CTSD: variants seen among roughly 807,000 people sequenced by gnomAD.
The protein encoded by CTSD is cathepsin D, also known as ceroid-lipofuscinosis, neuronal 10.
In CTSD, 28 loss-of-function variants were observed where a neutral mutation model predicts 43.6. That is an observed-to-expected ratio of 0.64 (90% CI 0.48 to 0.88). The LOEUF is 0.88. Among genes scored for constraint, CTSD ranks in the 40% least tolerant of loss-of-function variants. The pLI, the probability that CTSD is intolerant of heterozygous loss-of-function variation, is 0.00. For missense variants in CTSD, 485 were observed against 555.2 expected, an observed-to-expected ratio of 0.87 and a Z score of 1.27; for synonymous variants, 270 against 249.8, an observed-to-expected ratio of 1.08 and a Z score of -0.76.
At chr11:1,763,167 G>T (rs1845903845) in intron 1 of CTSD, 1 of 152,482 alleles carries the variant, frequency 6.6e-6, no homozygotes, top group Non-Finnish European at 1.5e-5. Context: ...CTGGCACAGG[G>T]GATCGGCCTG....
chr11:1,756,088 C>T (rs1170575710), intron 5 of CTSD, among the ~76,000 whole-genome samples: 1 of 151,868 alleles, frequency 6.6e-6, no homozygotes, highest in East Asian at 1.9e-4. Context: ...TGTATGCCTC[C>T]CCCGACCTGG....
At chr11:1,755,576 G>C (rs1020944154) in intron 5 of CTSD, among the ~76,000 whole-genome samples, 1 of 152,150 alleles carries the variant, frequency 6.6e-6, no homozygotes, top group Non-Finnish European at 1.5e-5. Context: ...TCCTGGGCAG[G>C]AGCGCACTGC....
intron 1 of CTSD, chr11:1,762,870 C>T (rs945381473): frequency 1.3e-5 from 2 of 152,390 alleles, no homozygotes; most frequent in Admixed American, 1.3e-4. Flanking sequence ...GAGGCTCAGT[C>T]CTACCCAGCT....
In CTSD at chr11:1,754,612, GGGGATGGAGGGCATGGA is replaced by G. The variant is rs368763995; in HGVS notation, c.827+277_827+293del. ...AGTCACAGAGGGATGAGGGGATGGAGGGGATGGAGGGCATGGAGGGATGGACAGAAGGGATGGTGGGT... is the reference window on the plus strand; with the variant it reads ...AGTCACAGAGGGATGAGGGGATGGAGGGGATGGACAGAAGGGATGGTGGGT... On this transcript the variant is annotated intron_variant, in intron 6 of 8. Coordinates refer to ENST00000236671, the MANE Select transcript of CTSD (RefSeq NM_001909.5). Among the ~76,000 whole-genome samples, 68 of 135,208 alleles carry G rather than the reference GGGGATGGAGGGCATGGA, an allele frequency of 5.0e-4. 1 individual carries two copies. In the East Asian group the frequency reaches 0.015, roughly 31 times the overall value. The allele number at this position is 135,208 out of a possible 152,430, so 88.7% of individuals were successfully genotyped here.
chr11:1,762,029 T>C (rs1478631656), intron 1 of CTSD: 2 of 191,320 alleles, frequency 1.0e-5, no homozygotes, highest in Non-Finnish European at 1.1e-5. Context: ...AGATGGGCCC[T>C]CCACACCACC....
intron 5 of CTSD, 41 bp from the exon 6 acceptor site, chr11:1,755,069 C>A: frequency 1.2e-6 from 2 of 1,612,678 alleles, no homozygotes; most frequent in Admixed American, 3.3e-5. Flanking sequence ...CGCCACCCCC[C>A]AAGCACAAGA....
chr11:1,753,865 C>A lies in CTSD; in HGVS notation c.1009G>T (p.Ala337Ser), dbSNP rs147800688. Residue 337 changes from alanine (A) to serine (S), a missense_variant, in exon 8 of 9, where the codon GCG (alanine) becomes TCG (serine). Coordinates refer to ENST00000236671, the MANE Select transcript of CTSD (RefSeq NM_001909.5). ...TTGCCTCCCAGCTTCAGTGTGATCG[C>A]GGGCAGGGTGGACACCTTCTCACAG... Reference protein sequence around the residue: ...IPCEKVSTLPAITLKLGGKGY... With the variant: ...IPCEKVSTLPSITLKLGGKGY... 1 of 1,613,600 alleles carries A rather than the reference C, an allele frequency of 6.2e-7. No individual in the cohort carries two copies.
At chr11:1,761,171 G>A (rs1471395963) in intron 2 of CTSD, 138 bp downstream of exon 2, 3 of 884,678 alleles carry the variant, frequency 3.4e-6, no homozygotes, top group Non-Finnish European at 5.6e-6. Context: ...GAGTGTGGCT[G>A]AGCCGGGACG....
rs1354741089 is a variant in CTSD at position 1,753,915 on chromosome 11, C to G, written c.973-14G>C. ...GGGGATCATGTACTAAGAGGGGTCA[C>G]AGCAGTGTCAGGGTGGTAGTGGTGG... On this transcript the variant is annotated splice_polypyrimidine_tract_variant and intron_variant, in intron 7 of 8. Coordinates refer to ENST00000236671, the MANE Select transcript of CTSD (RefSeq NM_001909.5). 1 of 1,612,922 alleles carries G rather than the reference C, an allele frequency of 6.2e-7. No individual in the cohort carries two copies. Among genetic ancestry groups the G allele is most frequent in the Non-Finnish European group, 8.5e-7 (1 of 1,179,376 alleles).
chr11:1,756,725 C>A (rs568245113), intron 5 of CTSD, among the ~76,000 whole-genome samples: 6 of 152,312 alleles, frequency 3.9e-5, no homozygotes, highest in African/African-American at 1.4e-4. Flanking sequence ...CATGGGTCAC[C>A]CAAGCTGGAG....
chr11:1,761,016 C>T (rs1337721422), intron 2 of CTSD: 3 of 463,404 alleles, frequency 6.5e-6, no homozygotes, highest in African/African-American at 2.0e-5. Flanking sequence ...GCCGGCCACA[C>T]TCAGGCAGGC....
At chr11:1,762,318 C>T (rs1845889463) in intron 1 of CTSD, 1 of 152,322 alleles carries the variant, frequency 6.6e-6, no homozygotes, top group Admixed American at 6.5e-5. Flanking sequence ...AGATCGGGGT[C>T]CTGAGTTCTA....
chr11:1,757,593 G>C, intron 4 of CTSD, 37 bp from the exon 5 acceptor site: 1 of 1,531,720 alleles, frequency 6.5e-7, no homozygotes. Flanking sequence ...CAGCAGACAG[G>C]CTGAGCCCTA....
At chr11:1,757,714 C>T (rs1845827069) in intron 4 of CTSD, among the ~76,000 whole-genome samples, 158 bp from the exon 5 acceptor site, 1 of 152,250 alleles carries the variant, frequency 6.6e-6, no homozygotes, top group Admixed American at 6.5e-5. Context: ...GAGCTGAACA[C>T]CGCTGGGGAT....
chr11:1,757,115 CG>C (rs1845819079), intron 5 of CTSD, among the ~76,000 whole-genome samples: 1 of 152,222 alleles, frequency 6.6e-6, no homozygotes, highest in Non-Finnish European at 1.5e-5. Flanking sequence ...TGGGAGACCC[CG>C]GCCAAACAGC....
chr11:1,758,388 C>T (rs931800878), intron 4 of CTSD, among the ~76,000 whole-genome samples: 2 of 152,154 alleles, frequency 1.3e-5, no homozygotes, highest in South Asian at 4.1e-4. Flanking sequence ...GAGGTGAGAA[C>T]TCACTGAGGC....
At chr11:1,754,871 A>G in intron 6 of CTSD, 35 bp downstream of exon 6, 2 of 1,613,200 alleles carry the variant, frequency 1.2e-6, no homozygotes, top group South Asian at 1.1e-5. Context: ...CCCCGCCCAC[A>G]GAACCCAGGG....
rs374237114 is a variant in CTSD, at chr11:1,753,487, G to T, written c.*16C>A. ...CTCTCCTCTGTTTCTGTGCTGGCGC[G>T]CGGACGCCTTGGGAACTAGAGGCGG... On this transcript the variant is annotated 3_prime_UTR_variant, in exon 9 of 9. Coordinates refer to ENST00000236671, the MANE Select transcript of CTSD (RefSeq NM_001909.5). 8.1e-6 allele frequency: 13 copies of T among 1,612,748 alleles called. No homozygotes were observed. In the African/African-American group the frequency reaches 1.7e-4, roughly 22 times the overall value.
intron 1 of CTSD, among the ~76,000 whole-genome samples, chr11:1,762,658 T>A (rs1008061842): frequency 3.9e-5 from 6 of 152,102 alleles, no homozygotes; most frequent in Non-Finnish European, 8.8e-5. Flanking sequence ...AGAGCTGGAA[T>A]CGGGTGAGGG....
Sources: allele counts gnomAD v4.1 joint callset (sites outside exome capture counted in the v4.1 genomes callset), GRCh38; gene constraint gnomAD v4.1.1; transcripts MANE v1.5; gene names NCBI Gene and HGNC (gene_info 2026-07-23, HGNC 2026-07-21).